HECTD4: variants seen among roughly 807,000 people sequenced by gnomAD.
The protein encoded by HECTD4 is HECT domain E3 ubiquitin protein ligase 4, also known as probable E3 ubiquitin-protein ligase HECTD4.
A neutral mutation model predicts 471.5 loss-of-function variants in HECTD4; 114 were observed. The ratio of observed to expected loss-of-function variants is 0.24; its 90% CI spans 0.21 to 0.28. HECTD4 has a LOEUF of 0.28. HECTD4 is among the 10% of genes least tolerant of loss of function. HECTD4 has a pLI of 1.00. For synonymous variants in HECTD4, 2,012 were observed against 2,256.0 expected (o/e 0.89, Z 3.07); for missense variants, 3,866 against 5,651.5 (o/e 0.68, Z 10.13).
intron 58 of HECTD4, 101 bp downstream of exon 58, chr12:112,192,960 T>G (rs911176436): frequency 2.8e-6 from 4 of 1,432,408 alleles, no homozygotes; most frequent in African/African-American, 2.8e-5. Context: ...TCATTTGCAT[T>G]AAAGAATCAG....
chr12:112,265,815 T>C, intron 15 of HECTD4, 63 bp downstream of exon 15: 6 of 1,268,824 alleles, frequency 4.7e-6, no homozygotes, highest in South Asian at 1.2e-5. Flanking sequence ...ATCAAACACA[T>C]TTAAATGTAA....
At chr12:112,196,798 C>CT (rs886637660) in intron 55 of HECTD4, among the ~76,000 whole-genome samples, 9 of 151,778 alleles carry the variant, frequency 5.9e-5, no homozygotes, top group South Asian at 2.1e-4. Flanking sequence ...CTCTCTCTCT[C>CT]TTTTTTTTGT....
chr12:112,298,563 C>T (rs1282747146), intron 7 of HECTD4, among the ~76,000 whole-genome samples: 5 of 147,460 alleles, frequency 3.4e-5, no homozygotes, highest in Non-Finnish European at 5.9e-5. Flanking sequence ...CAGACTCAAG[C>T]GAACCTCCTG....
intron 6 of HECTD4, among the ~76,000 whole-genome samples, chr12:112,307,342 C>T (rs2035287960): frequency 6.6e-6 from 1 of 152,228 alleles, no homozygotes; most frequent in African/African-American, 2.4e-5. Flanking sequence ...TTGACAGCTA[C>T]TAATTGGCCT....
intron 18 of HECTD4, among the ~76,000 whole-genome samples, chr12:112,260,579 A>ATT (rs1170545268): frequency 7.6e-5 from 11 of 144,102 alleles, no homozygotes; most frequent in South Asian, 2.2e-4. Flanking sequence ...CCAGAGCAGA[A>ATT]TTTTTTTTTT....
intron 55 of HECTD4, among the ~76,000 whole-genome samples, chr12:112,198,828 C>A (rs2032327402): frequency 6.6e-6 from 1 of 152,156 alleles, no homozygotes. Context: ...CTTCTGAAAA[C>A]CTGACAAAGA....
chr12:112,164,452 G>A (rs2030842953), intron 72 of HECTD4, among the ~76,000 whole-genome samples, 177 bp from the exon 73 acceptor site: 1 of 152,182 alleles, frequency 6.6e-6, no homozygotes, highest in Admixed American at 6.5e-5. Context: ...GGCCGGGCGT[G>A]TGACCCAGGC....
intron 24 of HECTD4, among the ~76,000 whole-genome samples, chr12:112,250,612 T>G (rs1050652829): frequency 6.6e-6 from 1 of 152,224 alleles, no homozygotes; most frequent in Non-Finnish European, 1.5e-5. Context: ...ACAGAAAAGC[T>G]GAAAGAATGA....
intron 7 of HECTD4, among the ~76,000 whole-genome samples, chr12:112,284,401 C>T (rs2034706297): frequency 6.6e-6 from 1 of 152,072 alleles, no homozygotes; most frequent in African/African-American, 2.4e-5. Context: ...AATGGGAGTG[C>T]AAAGTGGCAA....
intron 50 of HECTD4, among the ~76,000 whole-genome samples, chr12:112,209,647 C>T (rs111979609): frequency 2.9e-4 from 44 of 152,140 alleles, no homozygotes; most frequent in African/African-American, 7.2e-4. Context: ...TTTTAGTGCA[C>T]GCCTATATAT....
At position 112,246,922 on chromosome 12, in the gene HECTD4, C is replaced by T. The variant is rs1566086207; in HGVS notation, c.4492G>A (p.Gly1498Arg). ...AQSGLTRSIS[G>R]TPAETPACKS... ...GTACCTGGTGTTTCAGCAGGGGTCC[C>T]AGAGATGCTTCTCGTGAGGCCCGAC... Residue 1498 changes from glycine (G) to arginine (R), a missense_variant, in exon 29 of 76, where the codon GGG (glycine) becomes AGG (arginine). Coordinates refer to ENST00000682272, the MANE Select transcript of HECTD4 (RefSeq NM_001388303.1). 1 of 1,612,068 alleles carries T rather than the reference C, an allele frequency of 6.2e-7. No homozygotes were observed. The highest frequency in any genetic ancestry group is 8.5e-7 in the Non-Finnish European group (1 of 1,179,806).
intron 11 of HECTD4, 73 bp downstream of exon 11, chr12:112,273,582 C>T: frequency 7.0e-7 from 1 of 1,421,764 alleles, no homozygotes; most frequent in Non-Finnish European, 9.8e-7. Flanking sequence ...TATGTTTTCA[C>T]CTACTAATGC....
intron 69 of HECTD4, chr12:112,170,080 C>G: frequency 1.7e-6 from 1 of 575,160 alleles, no homozygotes; most frequent in Non-Finnish European, 3.1e-6. Context: ...CATGGCTGAT[C>G]AGAGCAAAGC....
In HECTD4 at chr12:112,160,293, G is replaced by C. The variant is rs1013335221; in HGVS notation, c.*2094C>G. 6.6e-6 allele frequency: 1 copy of C among 152,106 alleles called. No homozygotes were observed. Among genetic ancestry groups the C allele is most frequent in the African/African-American group, 2.4e-5 (1 of 41,414 alleles). The allele number at this position is 152,106 out of a possible 1,614,324, so 9.4% of individuals were successfully genotyped here. ...TTGAACTTGCTCAGCAAGAGTAGAT[G>C]ATCACACAACTCTTAAGGTAAATCA... On this transcript the variant is annotated 3_prime_UTR_variant, in exon 76 of 76. Transcript: ENST00000682272.
At chr12:112,295,719 G>T (rs1419264480) in intron 7 of HECTD4, among the ~76,000 whole-genome samples, 1 of 150,768 alleles carries the variant, frequency 6.6e-6, no homozygotes, top group Non-Finnish European at 1.5e-5. Context: ...GTACTTCTCT[G>T]CAGCCTTAAA....
intron 17 of HECTD4, among the ~76,000 whole-genome samples, chr12:112,262,563 T>G (rs1487428070): frequency 1.4e-5 from 2 of 140,774 alleles, no homozygotes; most frequent in East Asian, 4.9e-4. Context: ...AGGCTAAAAT[T>G]TAGCCTTCAA....
chr12:112,179,180 G>A lies in HECTD4; in HGVS notation c.11205C>T (p.Leu3735=). 1 of 1,613,696 alleles carries A rather than the reference G, an allele frequency of 6.2e-7. No homozygotes were observed. Among genetic ancestry groups the A allele is most frequent in the Non-Finnish European group, 8.5e-7 (1 of 1,179,772 alleles). The change falls in exon 63 of 76, where the codon CTC becomes CTT. Residue 3735 remains leucine, a synonymous_variant. Transcript: ENST00000682272. This position sits in a 1 kb window ranked among gnomAD's most constrained non-coding sequence, Gnocchi z 4.3. ...RPPKKVLEDQ[L]TQILRKYGVP... ...GGTGGGGACGGGCAGCTACCTGGGT[G>A]AGCTGATCCTCCAGCACCTTTTTTG... is the stretch of plus-strand genomic sequence containing the variant.
Position 112,379,552 on chromosome 12 carries a change from G to A in HECTD4, c.177+2400C>T, listed in dbSNP as rs931168099. 3.9e-5 allele frequency among the ~76,000 whole-genome samples: 6 copies of A among 152,160 alleles called. No individual in the cohort carries two copies. In the East Asian group the frequency reaches 7.7e-4, roughly 20 times the overall value. Reference sequence around the variant, plus strand: ...CTACTAAAAATACAAAAATTAGCCCGGCATGGTGGTGTATGCCTGTAATCC... The same window carrying A: ...CTACTAAAAATACAAAAATTAGCCCAGCATGGTGGTGTATGCCTGTAATCC... On this transcript the variant is annotated intron_variant, in intron 1 of 75. Coordinates refer to ENST00000682272, the MANE Select transcript of HECTD4 (RefSeq NM_001388303.1).
chr12:112,181,480 G>GT (rs1162600661), intron 62 of HECTD4, among the ~76,000 whole-genome samples: 4 of 151,430 alleles, frequency 2.6e-5, no homozygotes, highest in African/African-American at 9.7e-5. Flanking sequence ...GGGTAACCAT[G>GT]TTTTTTTTTA....
Sources: gnomAD v4.1 joint callset for allele counts (sites outside exome capture counted in the v4.1 genomes callset) on GRCh38, gnomAD v4.1.1 for gene constraint, Gnocchi (gnomAD v3.1) non-coding constraint, MANE v1.5 for transcripts, NCBI Gene and HGNC (gene_info 2026-07-23, HGNC 2026-07-21) for gene names.